Variants in NAV2 observed in about 807,000 individuals in gnomAD.
The protein encoded by NAV2 is helicase, APC down-regulated 1.
In NAV2, 54 loss-of-function variants were observed where a neutral mutation model predicts 223.2. The observed-to-expected ratio is 0.24, with a 90% confidence interval of 0.19 to 0.30. The LOEUF is 0.30. Ranked by LOEUF, NAV2 falls within the 10% of genes least tolerant of loss-of-function variation. NAV2 has a pLI of 1.00. For missense variants in NAV2, 2,806 were observed against 3,147.5 expected, an observed-to-expected ratio of 0.89 and a Z score of 2.60; for synonymous variants, 1,279 against 1,239.3, an observed-to-expected ratio of 1.03 and a Z score of -0.67.
intron 6 of NAV2, among the ~76,000 whole-genome samples, chr11:19,895,128 G>A (rs1378393629): frequency 5.7e-5 from 1 of 17,614 alleles, no homozygotes; most frequent in East Asian, 2.7e-3. Context: ...TTTTTTTTTT[G>A]AGACAGAGTG....
chr11:19,823,681 C>T (rs954194168), intron 1 of NAV2, among the ~76,000 whole-genome samples: 8 of 152,142 alleles, frequency 5.3e-5, no homozygotes, highest in East Asian at 1.9e-4. Context: ...TAAGGAAGGT[C>T]GAGCAACTCA....
chr11:19,637,834 A>T (rs2135538165), intron 1 of NAV2, among the ~76,000 whole-genome samples: 1 of 152,364 alleles, frequency 6.6e-6, no homozygotes, highest in African/African-American at 2.4e-5. Context: ...TTCCAACATG[A>T]GATTGGGTAA....
At chr11:20,038,851 T>C (rs2056650392) in intron 12 of NAV2, among the ~76,000 whole-genome samples, 1 of 152,148 alleles carries the variant, frequency 6.6e-6, no homozygotes, top group Non-Finnish European at 1.5e-5. Context: ...CTAAAGCATC[T>C]CAGGAACAGG....
intron 10 of NAV2, among the ~76,000 whole-genome samples, chr11:19,974,248 C>T (rs1412443598): frequency 6.6e-6 from 1 of 152,142 alleles, no homozygotes; most frequent in Non-Finnish European, 1.5e-5. Context: ...TGACTACCTG[C>T]AAGAGAATTA....
intron 10 of NAV2, among the ~76,000 whole-genome samples, chr11:19,970,315 T>C (rs2049122781): frequency 6.6e-6 from 1 of 152,130 alleles, no homozygotes; most frequent in African/African-American, 2.4e-5. Flanking sequence ...ATTACAGGCA[T>C]GCGCCACCAT....
chr11:19,985,162 C>G (rs950555614), intron 11 of NAV2, among the ~76,000 whole-genome samples: 1 of 152,204 alleles, frequency 6.6e-6, no homozygotes, highest in African/African-American at 2.4e-5. Context: ...CAGCTTCCTG[C>G]TGTTCCCAGG....
intron 1 of NAV2, among the ~76,000 whole-genome samples, chr11:19,568,689 G>A (rs927687571): frequency 2.6e-5 from 4 of 152,202 alleles, no homozygotes; most frequent in Non-Finnish European, 5.9e-5. Flanking sequence ...GAAGGAAGGG[G>A]AGCAAAGATG....
At chr11:19,888,119 T>C (rs2041183197) in intron 5 of NAV2, among the ~76,000 whole-genome samples, 2 of 152,186 alleles carry the variant, frequency 1.3e-5, no homozygotes, top group African/African-American at 4.8e-5. Context: ...CCCCACCGCT[T>C]ACACCACTTC....
intron 6 of NAV2, among the ~76,000 whole-genome samples, chr11:19,899,725 C>T (rs556350923): frequency 3.9e-5 from 6 of 152,084 alleles, no homozygotes; most frequent in Non-Finnish European, 7.3e-5. Context: ...GGAGGACTTC[C>T]GAGAAGTGAT....
At chr11:19,439,406 G>T (rs1183243627) in intron 1 of NAV2, among the ~76,000 whole-genome samples, 2 of 152,106 alleles carry the variant, frequency 1.3e-5, no homozygotes, top group Admixed American at 1.3e-4. Context: ...CTCCTGAAAT[G>T]AGATTACCCT....
At chr11:19,822,221 G>A (rs758086539) in intron 1 of NAV2, among the ~76,000 whole-genome samples, 2 of 152,196 alleles carry the variant, frequency 1.3e-5, no homozygotes, top group Non-Finnish European at 2.9e-5. Context: ...TACAGATGAG[G>A]CAACTGAGTC....
intron 1 of NAV2, among the ~76,000 whole-genome samples, chr11:19,638,950 G>A (rs1471513906): frequency 1.3e-5 from 2 of 152,164 alleles, no homozygotes; most frequent in African/African-American, 4.8e-5. Context: ...CTGAGATCGT[G>A]CCACTGCACT....
intron 1 of NAV2, among the ~76,000 whole-genome samples, chr11:19,716,306 G>A (rs7952103): frequency 0.024 from 3,648 of 152,202 alleles, 143 homozygotes; most frequent in African/African-American, 0.08. Flanking sequence ...TCTTGCGTCT[G>A]TCATATACTA....
chr11:19,620,535 A>G (rs1452717328), intron 1 of NAV2, among the ~76,000 whole-genome samples: 33 of 152,060 alleles, frequency 2.2e-4, no homozygotes. Flanking sequence ...GTGAATGGGC[A>G]TTCACTCATG....
chr11:19,827,400 T>C (rs2059695559), intron 1 of NAV2, among the ~76,000 whole-genome samples: 1 of 152,242 alleles, frequency 6.6e-6, no homozygotes, highest in Non-Finnish European at 1.5e-5. Context: ...CCCGAGGTTG[T>C]TGACCGCCTA....
intron 22 of NAV2, among the ~76,000 whole-genome samples, chr11:20,070,425 A>G (rs1201639795): frequency 6.6e-6 from 1 of 152,234 alleles, no homozygotes; most frequent in Non-Finnish European, 1.5e-5. Context: ...TAATTGTTCC[A>G]GTGACCTCGT....
At chr11:19,752,475 A>G (rs1467795070) in intron 1 of NAV2, among the ~76,000 whole-genome samples, 4 of 152,228 alleles carry the variant, frequency 2.6e-5, no homozygotes, top group Admixed American at 2.6e-4. Context: ...AGGATGATTA[A>G]TAATCACCTG....
At chr11:19,935,864 T>TTTTTTTTTTGTTTTG (rs2045836144) in intron 7 of NAV2, among the ~76,000 whole-genome samples, 33 of 101,176 alleles carry the variant, frequency 3.3e-4, no homozygotes, top group East Asian at 1.3e-3. Context: ...TTTTTTTTTT[T>TTTTTTTTTTGTTTTG]TTTTTTTTTT....
chr11:19,601,433 T>G (rs141663482), intron 1 of NAV2, among the ~76,000 whole-genome samples: 1 of 152,136 alleles, frequency 6.6e-6, no homozygotes, highest in Non-Finnish European at 1.5e-5. Context: ...TTGGTCCTTT[T>G]TGGATGGTGC....
Sources: allele counts gnomAD v4.1 joint callset (sites outside exome capture counted in the v4.1 genomes callset), GRCh38; gene constraint gnomAD v4.1.1; transcripts MANE v1.5; gene names NCBI Gene and HGNC (gene_info 2026-07-23, HGNC 2026-07-21).